Variants in STIL observed in about 807,000 individuals in gnomAD.
STIL encodes SCL-interrupting locus protein.
In STIL, 55 loss-of-function variants were observed where a neutral mutation model predicts 110.1. The observed-to-expected ratio is 0.50, with a 90% CI of 0.40 to 0.63. STIL has a LOEUF of 0.63. STIL is among the 20% of genes least tolerant of loss of function. The probability of loss-of-function intolerance (pLI) is 0.00; values close to 1 mark genes in which losing one functional copy is unlikely to be tolerated. For missense variants in STIL, 1,358 were observed against 1,530.0 expected, an observed-to-expected ratio of 0.89 and a Z score of 1.87; for synonymous variants, 481 against 530.0, an observed-to-expected ratio of 0.91 and a Z score of 1.27.
Position 47,280,358 on chromosome 1 carries a change from G to A in STIL, c.2100C>T (p.Cys700=), listed in dbSNP as rs768585691. ...TCTTGGGTGTGTGCATGCACACTGT[G>A]CAAGGCTGTGGGTTACATAAGTCCA... ...SHMDLCNPQP[C]TVCMHTPKTE... The change falls in exon 12 of 17, where the codon TGC becomes TGT. Residue 700 remains cysteine, a synonymous_variant. Coordinates refer to ENST00000371877, the MANE Select transcript of STIL (RefSeq NM_001048166.1). 1 of 1,614,226 alleles carries A rather than the reference G, an allele frequency of 6.2e-7. No individual in the cohort carries two copies. Among genetic ancestry groups the A allele is most frequent in the African/African-American group, 1.3e-5 (1 of 75,060 alleles).
chr1:47,280,152 T>C, intron 12 of STIL, 89 bp downstream of exon 12: 1 of 1,555,252 alleles, frequency 6.4e-7, no homozygotes, highest in South Asian at 1.1e-5. Context: ...TCTATACTTC[T>C]ATAAAACATC....
intron 15 of STIL, among the ~76,000 whole-genome samples, 158 bp downstream of exon 15, chr1:47,262,745 T>C (rs1644521049): frequency 6.6e-6 from 1 of 152,218 alleles, no homozygotes; most frequent in African/African-American, 2.4e-5. Context: ...ATTTAAGTTA[T>C]AATTTATGAA....
At chr1:47,296,873 G>T (rs1645656470) in intron 6 of STIL, among the ~76,000 whole-genome samples, 1 of 152,218 alleles carries the variant, frequency 6.6e-6, no homozygotes, top group Admixed American at 6.5e-5. Context: ...TACCACTGAT[G>T]ATATATTTTA....
intron 16 of STIL, among the ~76,000 whole-genome samples, chr1:47,259,257 A>AATACAGGTG (rs1421555901): frequency 2.2e-5 from 3 of 137,100 alleles, no homozygotes; most frequent in African/African-American, 8.4e-5. Context: ...AAGTGCTGGG[A>AATACAGGTG]TTACAGGTGT....
intron 12 of STIL, among the ~76,000 whole-genome samples, chr1:47,279,082 G>C (rs974274364): frequency 1.3e-5 from 2 of 152,056 alleles, no homozygotes; most frequent in Admixed American, 6.6e-5. Flanking sequence ...AGGATCACAA[G>C]GTCAGGAGAT....
At chr1:47,284,673 T>A (rs1449942034) in intron 10 of STIL, among the ~76,000 whole-genome samples, 1 of 152,146 alleles carries the variant, frequency 6.6e-6, no homozygotes. Context: ...GTGGATCATT[T>A]GAGGTCAGGA....
Position 47,251,091 on chromosome 1 carries a change from A to G in STIL, c.*45T>C. The G allele has an allele frequency of 1.9e-6, 3 of 1,575,094 alleles. No homozygotes were observed. Among genetic ancestry groups the G allele is most frequent in the Non-Finnish European group, 2.6e-6 (3 of 1,155,674 alleles). On this transcript the variant is annotated 3_prime_UTR_variant, in exon 17 of 17. Transcript: ENST00000371877. ...GCTCCTGTTTTCCCTAAGTATCTTC[A>G]GGAGACACCCTGTCCCTGTATTAAA... is the stretch of plus-strand genomic sequence containing the variant.
At chr1:47,283,786 C>T (rs549302181) in intron 10 of STIL, 2 of 149,922 alleles carry the variant, frequency 1.3e-5, no homozygotes, top group South Asian at 2.1e-4. Flanking sequence ...AAGTTACATT[C>T]TTTTGTATAC....
chr1:47,297,829 A>C, intron 6 of STIL, among the ~76,000 whole-genome samples: 1 of 152,294 alleles, frequency 6.6e-6, no homozygotes, highest in Non-Finnish European at 1.5e-5. Context: ...AGAATACTGA[A>C]CATCCTGGTT....
At chr1:47,279,727 C>CAAAAAAAAAAA (rs11371469) in intron 12 of STIL, among the ~76,000 whole-genome samples, 6 of 82,816 alleles carry the variant, frequency 7.2e-5, no homozygotes, top group African/African-American at 1.7e-4. Context: ...GACTCCGTCT[C>CAAAAAAAAAAA]AAAAAAAAAA....
At chr1:47,276,910 G>C (rs941997892) in intron 12 of STIL, among the ~76,000 whole-genome samples, 4 of 151,252 alleles carry the variant, frequency 2.6e-5, no homozygotes, top group Admixed American at 1.3e-4. Flanking sequence ...AAATGGTTTG[G>C]GGATACTAAA....
At chr1:47,284,889 CAA>C (rs796580180) in intron 10 of STIL, among the ~76,000 whole-genome samples, 8 of 137,072 alleles carry the variant, frequency 5.8e-5, no homozygotes, top group African/African-American at 5.2e-5. Flanking sequence ...GACCCTATCT[CAA>C]AAAAAAAAAA....
chr1:47,269,088 C>CAA (rs60406768), intron 14 of STIL, among the ~76,000 whole-genome samples: 12 of 108,382 alleles, frequency 1.1e-4, no homozygotes, highest in South Asian at 3.1e-4. Context: ...GGGACTCCGT[C>CAA]AAAAAAAAAA....
At chr1:47,293,627 G>C in intron 7 of STIL, 83 bp from the exon 8 acceptor site, 2 of 1,146,440 alleles carry the variant, frequency 1.7e-6, no homozygotes, top group Non-Finnish European at 2.6e-6. Flanking sequence ...TAACAAAGTA[G>C]ACGTATGGCT....
intron 3 of STIL, among the ~76,000 whole-genome samples, chr1:47,303,501 G>C (rs971198213): frequency 1.3e-5 from 2 of 152,156 alleles, no homozygotes; most frequent in African/African-American, 4.8e-5. Flanking sequence ...GGAGGCGGAG[G>C]TTGCAGTGAG....
chr1:47,312,477 A>G (rs559733592), intron 1 of STIL, among the ~76,000 whole-genome samples: 19 of 152,318 alleles, frequency 1.2e-4, no homozygotes, highest in African/African-American at 4.3e-4. Flanking sequence ...GTGACTAAAC[A>G]GTCCTTCTTA....
intron 6 of STIL, among the ~76,000 whole-genome samples, chr1:47,299,141 A>G (rs1645728988): frequency 6.6e-6 from 1 of 150,426 alleles, no homozygotes; most frequent in African/African-American, 2.5e-5. Flanking sequence ...TGAAGTCTGG[A>G]GTTGAAGTCC....
rs577786274 is a variant in STIL, at chr1:47,272,216, G to C, written c.2243C>G (p.Ser748Cys). 15 of 1,614,068 alleles carry C rather than the reference G, an allele frequency of 9.3e-6. No homozygotes were observed. Among genetic ancestry groups the C allele is most frequent in the Non-Finnish European group, 1.3e-5 (15 of 1,180,030 alleles). ...AQIQRLLEAQ[S>C]LMPCSPKTTA... ...TGTCTTAGGGGAACAGGGCATCAGAGACTGTGCTTCCAACAAACGCTGAAT... is the reference window on the plus strand; with the variant it reads ...TGTCTTAGGGGAACAGGGCATCAGACACTGTGCTTCCAACAAACGCTGAAT... The change falls in exon 13 of 17, where the codon TCT (serine) becomes TGT (cysteine). Residue 748 changes from serine to cysteine, a missense_variant. Coordinates refer to ENST00000371877, the MANE Select transcript of STIL (RefSeq NM_001048166.1).
rs746510802 is a variant in STIL, at chr1:47,281,171, A to T, written c.1287T>A (p.Leu429=). 5.6e-6 allele frequency: 9 copies of T among 1,613,604 alleles called. No homozygotes were observed. The highest frequency in any genetic ancestry group is 7.6e-6 in the Non-Finnish European group (9 of 1,179,926). ...ATTCTATGAAATTGCCATCCAACAC[A>T]AGTGAAAGTTCAGGAACTGATGGTT... ...KIQPSVPELS[L]VLDGNFIESN... The change falls in exon 12 of 17, where the codon CTT becomes CTA. Residue 429 remains leucine, a synonymous_variant. Transcript: ENST00000371877.
Sources: allele counts gnomAD v4.1 joint callset (sites outside exome capture counted in the v4.1 genomes callset), GRCh38; gene constraint gnomAD v4.1.1; transcripts MANE v1.5; gene names NCBI Gene and HGNC (gene_info 2026-07-23, HGNC 2026-07-21).